Variants in SIN3A observed in about 807,000 individuals in gnomAD.
SIN3A encodes SIN3 transcription regulator family member A.
In SIN3A, 14 loss-of-function variants were observed where a neutral mutation model predicts 146.1. The observed-to-expected ratio is 0.10, with a 90% CI of 0.06 to 0.15. The LOEUF is 0.15. Among genes scored for constraint, SIN3A ranks in the 10% least tolerant of loss-of-function variants. The pLI is 1.00. For missense variants in SIN3A, 1,028 were observed against 1,576.0 expected (o/e 0.65, Z 5.89); for synonymous variants, 572 against 572.0 (o/e 1.00, Z 0.00).
chr15:75,395,782 G>A (rs1315492585), intron 13 of SIN3A, among the ~76,000 whole-genome samples: 2 of 152,138 alleles, frequency 1.3e-5, no homozygotes, highest in Non-Finnish European at 2.9e-5. Flanking sequence ...GCACATTCCT[G>A]TAGTCCCAGC....
intron 13 of SIN3A, among the ~76,000 whole-genome samples, chr15:75,395,476 G>A (rs1182649988): frequency 2.6e-5 from 4 of 152,194 alleles, no homozygotes; most frequent in Admixed American, 2.6e-4. Context: ...CAGCTCTTGA[G>A]GGGAAGATGA....
At chr15:75,452,656 C>T (rs1454728481), upstream of SIN3A, among the ~76,000 whole-genome samples, 5 of 152,190 alleles carry the variant, frequency 3.3e-5, no homozygotes, top group South Asian at 2.1e-4. Context: ...AAAAGAGAGG[C>T]GGGCTCTAAC....
At chr15:75,384,194 T>A in intron 17 of SIN3A, 70 bp downstream of exon 17, 1 of 1,327,336 alleles carries the variant, frequency 7.5e-7, no homozygotes, top group East Asian at 2.4e-5. Flanking sequence ...GGCTTTAACT[T>A]CTGGTTCAGA....
chr15:75,410,539 G>C (rs2073614353), intron 6 of SIN3A, among the ~76,000 whole-genome samples: 1 of 151,786 alleles, frequency 6.6e-6, no homozygotes, highest in Non-Finnish European at 1.5e-5. Flanking sequence ...GCTCAGGCTG[G>C]AGTGCACTTG....
Position 75,380,779 on chromosome 15 carries a change from T to C in SIN3A, c.3289-56A>G. On this transcript the variant is annotated intron_variant, in intron 18 of 20. Coordinates refer to ENST00000394947, the MANE Select transcript of SIN3A (RefSeq NM_001145358.2). The stretch of plus-strand genomic sequence containing the variant: ...AGGAAATCACAAAAACAGCTCCTAA[T>C]GCATTGGGCACTCTAGTAAATTCTA... 3.4e-6 allele frequency: 4 copies of C among 1,167,122 alleles called. No homozygotes were observed. In the East Asian group the frequency reaches 9.4e-5, roughly 27 times the overall value. The allele number at this position is 1,167,122 out of a possible 1,614,324, so 72.3% of individuals were successfully genotyped here. A position where few individuals can be genotyped will look rare whatever the true frequency, so the allele number is the denominator to read the frequency against.
At chr15:75,451,712 C>T, upstream of SIN3A, 1 of 152,052 alleles carries the variant, frequency 6.6e-6, no homozygotes, top group South Asian at 2.1e-4. Context: ...CCCGCCCACT[C>T]CCCCGACCCC....
Position 75,433,757 on chromosome 15 carries a change from C to T in SIN3A, c.-33-3349G>A, listed in dbSNP as rs568570810. On this transcript the variant is annotated intron_variant, in intron 1 of 20. Transcript: ENST00000394947. ...CCGGGAGGCAGAGCTTGCAGTGAGC[C>T]GAGATCATGCCACTGCACTCCAGCC... 2.0e-5 allele frequency among the ~76,000 whole-genome samples: 3 copies of T among 152,064 alleles called. No homozygotes were observed. In the South Asian group the frequency reaches 6.2e-4, roughly 32 times the overall value.
In SIN3A at chr15:75,406,601, G is replaced by A. The variant is rs548534026; in HGVS notation, c.1407+454C>T. ...ACTCGGGAGGCTGAGGCAGGAGAAT[G>A]GCGTGAACCCCAGGAGGCGGAGCCT... On this transcript the variant is annotated intron_variant, in intron 9 of 20. Transcript: ENST00000394947. 2.0e-5 allele frequency among the ~76,000 whole-genome samples: 3 copies of A among 152,240 alleles called. No homozygotes were observed. In the South Asian group the frequency reaches 6.2e-4, roughly 32 times the overall value.
intron 1 of SIN3A, among the ~76,000 whole-genome samples, chr15:75,439,907 T>C (rs1295902140): frequency 6.6e-6 from 1 of 151,502 alleles, no homozygotes; most frequent in Non-Finnish European, 1.5e-5. Context: ...TCTCAGCACT[T>C]TGGGAGGCTG....
intron 1 of SIN3A, among the ~76,000 whole-genome samples, chr15:75,442,330 GTTT>G (rs202178520): frequency 7.2e-6 from 1 of 139,240 alleles, no homozygotes; most frequent in African/African-American, 2.6e-5. Flanking sequence ...GGTTTTGATT[GTTT>G]TTTTTTTTCA....
intron 6 of SIN3A, 55 bp from the exon 7 acceptor site, chr15:75,410,341 T>A: frequency 6.5e-7 from 1 of 1,538,228 alleles, no homozygotes. Flanking sequence ...GAGTCACTCA[T>A]CTTTGCACGC....
At position 75,412,648 on chromosome 15, in the gene SIN3A, G is replaced by A. The variant is rs376349191; in HGVS notation, c.756+115C>T. The A allele has an allele frequency of 3.0e-4, 329 of 1,094,966 alleles. 1 individual carries two copies. The East Asian group carries it at 5.4e-3, about 18-fold the overall frequency. The allele number at this position is 1,094,966 out of a possible 1,614,324, so 67.8% of individuals were successfully genotyped here. A position where few individuals can be genotyped will look rare whatever the true frequency, so the allele number is the denominator to read the frequency against. On this transcript the variant is annotated intron_variant, in intron 5 of 20. Transcript: ENST00000394947. ...TTTTCATACAGCATTTTTCTATGAC[G>A]AAATCTTTGTAACTTTGTTTCTCAG...
Position 75,439,304 on chromosome 15 carries a change from G to C in SIN3A, c.-33-8896C>G, listed in dbSNP as rs79648693. ...AAAATGTCAACAGTGTGTGAAGACTGAGAAACCTAAGTTTAATCATAACCC... is the reference window on the plus strand; with the variant it reads ...AAAATGTCAACAGTGTGTGAAGACTCAGAAACCTAAGTTTAATCATAACCC... On this transcript the variant is annotated intron_variant, in intron 1 of 20. Transcript: ENST00000394947. Among the ~76,000 whole-genome samples the C allele has an allele frequency of 8.0e-3, 1,209 of 151,936 alleles. 20 individuals carry two copies. Among genetic ancestry groups the C allele is most frequent in the African/African-American group, 0.028 (1,146 of 41,460 alleles).
intron 12 of SIN3A, among the ~76,000 whole-genome samples, chr15:75,397,603 G>GT (rs1265361124): frequency 6.6e-6 from 1 of 152,142 alleles, no homozygotes; most frequent in Non-Finnish European, 1.5e-5. Context: ...AAACCCATTG[G>GT]TTTTACAAGT....
At chr15:75,438,334 C>T (rs2074141445) in intron 1 of SIN3A, among the ~76,000 whole-genome samples, 1 of 151,892 alleles carries the variant, frequency 6.6e-6, no homozygotes, top group African/African-American at 2.4e-5. Flanking sequence ...CACCGCATTC[C>T]AGCCTGGTTG....
At chr15:75,378,122 A>C (rs1262689627) in intron 19 of SIN3A, among the ~76,000 whole-genome samples, 5 of 152,210 alleles carry the variant, frequency 3.3e-5, no homozygotes, top group Non-Finnish European at 7.3e-5. Flanking sequence ...GGTGTGTATA[A>C]CTTATTTTCC....
At chr15:75,408,674 A>G (rs900158424) in intron 8 of SIN3A, among the ~76,000 whole-genome samples, 1 of 152,234 alleles carries the variant, frequency 6.6e-6, no homozygotes, top group Non-Finnish European at 1.5e-5. Context: ...TGGATTACTA[A>G]GAGGAGTTTA....
At chr15:75,431,828 C>T (rs1238514318) in intron 1 of SIN3A, among the ~76,000 whole-genome samples, 1 of 152,192 alleles carries the variant, frequency 6.6e-6, no homozygotes, top group Non-Finnish European at 1.5e-5. Context: ...ATCCTTAGCT[C>T]TGAAATCCTG....
chr15:75,401,880 G>C lies in SIN3A; in HGVS notation c.1498C>G (p.Leu500Val), dbSNP rs1431668094. Residue 500 changes from leucine to valine, a missense_variant, in exon 10 of 21, where the codon CTT becomes GTT. By Grantham distance (32) the Leu-to-Val change is conservative (BLOSUM62 1). This residue lies in a region of SIN3A where 157 missense variants were observed against 284.8 expected (regional missense o/e 0.55). Coordinates refer to ENST00000394947, the MANE Select transcript of SIN3A (RefSeq NM_001145358.2). ...AGGAAAGGAGAGACTAGTTGCACAA[G>C]CTCAGCACGAGAGATCACCTCCTGG... Reference protein sequence around the residue: ...FNQEVISRAELVQLVSPFLGK... With the variant: ...FNQEVISRAEVVQLVSPFLGK... The C allele has an allele frequency of 6.2e-7, 1 of 1,612,758 alleles. No individual in the cohort carries two copies. Among genetic ancestry groups the C allele is most frequent in the Non-Finnish European group, 8.5e-7 (1 of 1,178,892 alleles).
Sources: allele counts gnomAD v4.1 joint callset (sites outside exome capture counted in the v4.1 genomes callset), GRCh38; gene constraint gnomAD v4.1.1; regional missense constraint gnomAD v4.1.1; transcripts MANE v1.5; gene names NCBI Gene and HGNC (gene_info 2026-07-23, HGNC 2026-07-21).